Variants in INPP4B observed in about 807,000 individuals in gnomAD.
The protein encoded by INPP4B is inositol polyphosphate-4-phosphatase type II B.
INPP4B carries 55 observed loss-of-function variants against 122.5 expected under a neutral mutation model. The ratio of observed to expected loss-of-function variants is 0.45; its 90% CI spans 0.36 to 0.56. The LOEUF is 0.56. Among genes scored for constraint, INPP4B ranks in the 20% least tolerant of loss-of-function variants. The probability of loss-of-function intolerance (pLI) is 0.00; values close to 1 mark genes in which losing one functional copy is unlikely to be tolerated. For missense variants in INPP4B, 1,000 were observed against 1,097.7 expected, an observed-to-expected ratio of 0.91 and a Z score of 1.26; for synonymous variants, 403 against 388.7, an observed-to-expected ratio of 1.04 and a Z score of -0.43.
intron 12 of INPP4B, among the ~76,000 whole-genome samples, chr4:142,215,434 TA>T (rs1406701994): frequency 6.6e-6 from 1 of 152,206 alleles, no homozygotes; most frequent in East Asian, 1.9e-4. Context: ...CTTTAAAAAC[TA>T]AACCTGAACA....
intron 23 of INPP4B, among the ~76,000 whole-genome samples, chr4:142,103,579 A>G (rs1389143580): frequency 6.6e-6 from 1 of 152,110 alleles, no homozygotes; most frequent in Non-Finnish European, 1.5e-5. Flanking sequence ...CAGAAAAGGA[A>G]TCAACACTCC....
chr4:142,631,443 G>A (rs1397519286), intron 2 of INPP4B, among the ~76,000 whole-genome samples: 2 of 152,012 alleles, frequency 1.3e-5, no homozygotes, highest in African/African-American at 4.8e-5. Context: ...TAAGGAACAG[G>A]GAATATAATG....
chr4:142,743,948 A>G (rs1483324230), intron 1 of INPP4B, among the ~76,000 whole-genome samples: 1 of 151,994 alleles, frequency 6.6e-6, no homozygotes, highest in Admixed American at 6.6e-5. Context: ...ATAGTAAAGA[A>G]TAAGCCATCA....
chr4:142,604,746 C>A (rs778551658), intron 2 of INPP4B, among the ~76,000 whole-genome samples: 2 of 152,042 alleles, frequency 1.3e-5, no homozygotes, highest in African/African-American at 2.4e-5. Context: ...AAAGACATCC[C>A]ATGCTCATGA....
chr4:142,760,596 T>C (rs2150972173), intron 1 of INPP4B, among the ~76,000 whole-genome samples: 1 of 152,074 alleles, frequency 6.6e-6, no homozygotes, highest in Middle Eastern at 3.4e-3. Context: ...AACTACTGAC[T>C]CAAAAAACTG....
intron 2 of INPP4B, among the ~76,000 whole-genome samples, chr4:142,604,630 T>A (rs1178436344): frequency 6.6e-6 from 1 of 151,638 alleles, no homozygotes. Flanking sequence ...ATATAATAGC[T>A]ACAAAAAAAT....
chr4:142,400,670 G>T (rs1400668215), intron 7 of INPP4B, among the ~76,000 whole-genome samples: 1 of 152,120 alleles, frequency 6.6e-6, no homozygotes, highest in Admixed American at 6.5e-5. Context: ...ATGCAATCTG[G>T]GTGTATTTCT....
intron 7 of INPP4B, among the ~76,000 whole-genome samples, chr4:142,381,782 CTTT>C (rs373066836): frequency 6.6e-6 from 1 of 152,102 alleles, no homozygotes; most frequent in East Asian, 1.9e-4. Context: ...TTTACCTGCA[CTTT>C]TTTTCTTAAA....
chr4:142,129,487 G>C (rs1800214494), intron 18 of INPP4B, among the ~76,000 whole-genome samples: 1 of 152,228 alleles, frequency 6.6e-6, no homozygotes, highest in Non-Finnish European at 1.5e-5. Context: ...ACACTTTATA[G>C]GTAAATTCCT....
intron 16 of INPP4B, among the ~76,000 whole-genome samples, chr4:142,169,647 G>A (rs911612986): frequency 6.6e-6 from 1 of 151,596 alleles, no homozygotes; most frequent in Non-Finnish European, 1.5e-5. Context: ...AGAACAGTAG[G>A]AATTATAAGC....
chr4:142,623,155 A>T (rs922994203), intron 2 of INPP4B, among the ~76,000 whole-genome samples: 4 of 151,826 alleles, frequency 2.6e-5, no homozygotes, highest in African/African-American at 9.7e-5. Flanking sequence ...CTTATCTATC[A>T]CAGTCGCAAA....
chr4:142,210,967 G>A (rs1844626047), intron 12 of INPP4B, among the ~76,000 whole-genome samples: 1 of 152,116 alleles, frequency 6.6e-6, no homozygotes, highest in Admixed American at 6.6e-5. Context: ...GATACAAGCT[G>A]TGAGGACTCC....
At chr4:142,488,177 C>A (rs1244212970) in intron 2 of INPP4B, among the ~76,000 whole-genome samples, 1 of 151,994 alleles carries the variant, frequency 6.6e-6, no homozygotes, top group Non-Finnish European at 1.5e-5. Flanking sequence ...TTCCTCCTTT[C>A]TTCTGCTAAT....
chr4:142,400,168 G>GTTA (rs1801139047), intron 7 of INPP4B, among the ~76,000 whole-genome samples: 1 of 152,158 alleles, frequency 6.6e-6, no homozygotes. Flanking sequence ...AAATGGCAAA[G>GTTA]TAACGTGTTT....
chr4:142,431,173 G>A lies in INPP4B; in HGVS notation c.87C>T (p.Phe29=). The change falls in exon 4 of 26, where the codon TTC becomes TTT. Residue 29 remains phenylalanine, a synonymous_variant. Transcript: ENST00000262992. The part of the protein sequence containing the change: ...AQANDPGDCQ[F]TSIQKTPNEP... Reference sequence around the variant, plus strand: ...GAGGGATACACACATACTTACTTGTGAACTGACAGTCCCCGGGATCATTGG... The same window carrying A: ...GAGGGATACACACATACTTACTTGTAAACTGACAGTCCCCGGGATCATTGG... 6.2e-7 allele frequency: 1 copy of A among 1,612,166 alleles called. No homozygotes were observed. Among genetic ancestry groups the A allele is most frequent in the Non-Finnish European group, 8.5e-7 (1 of 1,178,504 alleles).
intron 25 of INPP4B, among the ~76,000 whole-genome samples, chr4:142,075,031 T>C (rs1769809670): frequency 6.6e-6 from 1 of 152,020 alleles, no homozygotes; most frequent in Non-Finnish European, 1.5e-5. Flanking sequence ...TGGACTCATT[T>C]ATTTGATTCT....
chr4:142,765,845 T>G lies in INPP4B; in HGVS notation c.-253-39944A>C. 2 of 150,760 alleles carry G rather than the reference T, an allele frequency of 1.3e-5. 1 individual carries two copies. Among genetic ancestry groups the G allele is most frequent in the East Asian group, 3.9e-4 (2 of 5,174 alleles). The allele number at this position is 150,760 out of a possible 1,614,324, so 9.3% of individuals were successfully genotyped here. On this transcript the variant is annotated intron_variant, in intron 1 of 25. Transcript: ENST00000262992. Reference sequence around the variant, plus strand: ...GAAACTCAGCAAAAAGCTTCTGGTTTTTTTTTTTTTAATCAAATACAGAAC... The same window carrying G: ...GAAACTCAGCAAAAAGCTTCTGGTTGTTTTTTTTTTAATCAAATACAGAAC...
In INPP4B at chr4:142,365,167, G is replaced by A. The variant is rs1044569045; in HGVS notation, c.372+37771C>T. Reference sequence around the variant, plus strand: ...TTGAGTAATGAAAAATGCCTTGAAAGTAATGGAATATGCCTAGGATCTTGT... The same window carrying A: ...TTGAGTAATGAAAAATGCCTTGAAAATAATGGAATATGCCTAGGATCTTGT... On this transcript the variant is annotated intron_variant, in intron 7 of 25. Coordinates refer to ENST00000262992, the MANE Select transcript of INPP4B (RefSeq NM_001101669.3). Among the ~76,000 whole-genome samples the A allele has an allele frequency of 3.3e-5, 5 of 152,106 alleles. No individual in the cohort carries two copies. In the East Asian group the frequency reaches 7.7e-4, roughly 24 times the overall value.
chr4:142,742,447 T>C (rs1255134884), intron 1 of INPP4B, among the ~76,000 whole-genome samples: 2 of 152,024 alleles, frequency 1.3e-5, no homozygotes, highest in Non-Finnish European at 2.9e-5. Flanking sequence ...TTGACTCTAA[T>C]AAGTGCAAAC....
Sources: gnomAD v4.1 joint callset for allele counts (sites outside exome capture counted in the v4.1 genomes callset) on GRCh38, gnomAD v4.1.1 for gene constraint, MANE v1.5 for transcripts, NCBI Gene and HGNC (gene_info 2026-07-23, HGNC 2026-07-21) for gene names.